Variants in GRID1 observed in about 807,000 individuals in gnomAD.
GRID1 encodes the protein glutamate receptor ionotropic, delta-1.
A neutral mutation model predicts 98.0 loss-of-function variants in GRID1; 28 were observed. The observed-to-expected ratio is 0.29, with a 90% confidence interval of 0.21 to 0.39. The LOEUF is 0.39. GRID1 is among the 10% of genes least tolerant of loss of function. GRID1 has a pLI of 1.00. For missense variants in GRID1, 1,111 were observed against 1,340.5 expected, an observed-to-expected ratio of 0.83 and a Z score of 2.67; for synonymous variants, 553 against 538.5, an observed-to-expected ratio of 1.03 and a Z score of -0.37.
At chr10:86,205,658 C>CA (rs1482884602) in intron 3 of GRID1, among the ~76,000 whole-genome samples, 2 of 151,924 alleles carry the variant, frequency 1.3e-5, no homozygotes, top group Non-Finnish European at 2.9e-5. Context: ...ACATAATTTT[C>CA]AAAAAAATTG....
At chr10:86,271,163 T>C (rs958438705) in intron 2 of GRID1, among the ~76,000 whole-genome samples, 2 of 152,240 alleles carry the variant, frequency 1.3e-5, no homozygotes, top group African/African-American at 4.8e-5. Flanking sequence ...GAATAGTATC[T>C]GGTACTCTCA....
chr10:85,979,778 G>T (rs1364394622), intron 4 of GRID1, among the ~76,000 whole-genome samples: 1 of 152,192 alleles, frequency 6.6e-6, no homozygotes, highest in African/African-American at 2.4e-5. Flanking sequence ...GCTGTCCTTG[G>T]TGGAGGCAGA....
chr10:85,940,288 CTCTG>C (rs1407443859), intron 4 of GRID1, among the ~76,000 whole-genome samples: 2 of 152,164 alleles, frequency 1.3e-5, no homozygotes, highest in Non-Finnish European at 2.9e-5. Flanking sequence ...TATTTACCTT[CTCTG>C]TCTGGCCCAC....
chr10:85,633,566 T>C (rs576490986), intron 13 of GRID1, among the ~76,000 whole-genome samples: 112 of 152,314 alleles, frequency 7.4e-4, no homozygotes, highest in African/African-American at 2.5e-3. Context: ...GCTGTGAGGA[T>C]AGAGAAGCAA....
intron 4 of GRID1, among the ~76,000 whole-genome samples, chr10:86,043,028 C>A (rs114689129): frequency 6.6e-6 from 1 of 151,568 alleles, no homozygotes; most frequent in South Asian, 2.1e-4. Flanking sequence ...AAGGCAGCAG[C>A]GAGCCGAGAT....
intron 5 of GRID1, among the ~76,000 whole-genome samples, chr10:85,911,597 A>C (rs926205253): frequency 2.0e-5 from 3 of 152,198 alleles, no homozygotes; most frequent in Admixed American, 2.0e-4. Context: ...TACCCACATC[A>C]TCTGTTAAGC....
At chr10:85,887,565 C>A (rs1047927222) in intron 5 of GRID1, among the ~76,000 whole-genome samples, 47 of 152,204 alleles carry the variant, frequency 3.1e-4, no homozygotes, top group African/African-American at 9.1e-4. Context: ...TTAACAAGAT[C>A]CCCAGGTGAC....
At chr10:86,268,351 G>C (rs1847136037) in intron 2 of GRID1, among the ~76,000 whole-genome samples, 1 of 152,234 alleles carries the variant, frequency 6.6e-6, no homozygotes. Flanking sequence ...ATCACCAACA[G>C]CATTTGGATA....
intron 8 of GRID1, among the ~76,000 whole-genome samples, chr10:85,793,896 C>G (rs1185813852): frequency 6.6e-6 from 1 of 152,062 alleles, no homozygotes; most frequent in Non-Finnish European, 1.5e-5. Context: ...AACAAAAGCC[C>G]TGCATTAAAT....
At chr10:85,800,398 T>C (rs1266373869) in intron 8 of GRID1, among the ~76,000 whole-genome samples, 1 of 151,970 alleles carries the variant, frequency 6.6e-6, no homozygotes, top group Non-Finnish European at 1.5e-5. Flanking sequence ...GGTTACAAGA[T>C]AGAAACAAAA....
chr10:85,779,863 G>A (rs902718318), intron 8 of GRID1, among the ~76,000 whole-genome samples: 1 of 152,196 alleles, frequency 6.6e-6, no homozygotes, highest in African/African-American at 2.4e-5. Flanking sequence ...TTTCTACGAA[G>A]GCACCATGTG....
intron 12 of GRID1, among the ~76,000 whole-genome samples, chr10:85,688,393 G>A (rs976475676): frequency 3.9e-5 from 6 of 152,122 alleles, no homozygotes; most frequent in Non-Finnish European, 7.4e-5. Context: ...AAAGAGACAC[G>A]GCTGGAGTGC....
chr10:86,051,523 A>C (rs1249573875), intron 4 of GRID1, among the ~76,000 whole-genome samples: 2 of 152,096 alleles, frequency 1.3e-5, no homozygotes, highest in African/African-American at 4.8e-5. Flanking sequence ...AAAGGCAAAA[A>C]AAAAAAATCA....
chr10:86,204,407 C>T (rs1845996377), intron 3 of GRID1, among the ~76,000 whole-genome samples: 1 of 152,192 alleles, frequency 6.6e-6, no homozygotes, highest in Non-Finnish European at 1.5e-5. Context: ...AGGACTAGCC[C>T]TCATGAGAGT....
At position 86,358,609 on chromosome 10, in the gene GRID1, T is replaced by C. The variant is rs942547799; in HGVS notation, c.235+5332A>G. 1.5e-4 allele frequency among the ~76,000 whole-genome samples: 23 copies of C among 151,536 alleles called. 1 individual carries two copies. Among genetic ancestry groups the C allele is most frequent in the Non-Finnish European group, 4.4e-5 (3 of 67,916 alleles). Reference sequence around the variant, plus strand: ...CCGTCTCTACTAAAAATACAAAAAATTAGCCGGGCATGGTGGCGGGCGCCT... The same window carrying C: ...CCGTCTCTACTAAAAATACAAAAAACTAGCCGGGCATGGTGGCGGGCGCCT... On this transcript the variant is annotated intron_variant, in intron 2 of 15. Transcript: ENST00000327946.
chr10:86,061,114 T>C (rs1401258792), intron 4 of GRID1, among the ~76,000 whole-genome samples: 1 of 151,914 alleles, frequency 6.6e-6, no homozygotes, highest in African/African-American at 2.4e-5. Context: ...CTCCTGGGGG[T>C]ACTCTACAGG....
chr10:85,723,414 G>A (rs1590205008), intron 11 of GRID1, among the ~76,000 whole-genome samples: 1 of 152,198 alleles, frequency 6.6e-6, no homozygotes, highest in Admixed American at 6.5e-5. Context: ...ACCAAGGGTT[G>A]GGGTCTGAAT....
intron 6 of GRID1, among the ~76,000 whole-genome samples, chr10:85,865,918 T>TATATATATATATATATATATACACAC (rs1843211834): frequency 3.2e-5 from 3 of 94,530 alleles, no homozygotes; most frequent in Middle Eastern, 5.2e-3. Flanking sequence ...TATACATATA[T>TATATATATATATATATATATACACAC]ATATATATAT....
chr10:85,879,213 G>A (rs1840961127), intron 5 of GRID1, among the ~76,000 whole-genome samples: 2 of 152,108 alleles, frequency 1.3e-5, no homozygotes, highest in South Asian at 2.1e-4. Flanking sequence ...ACAGATCAAC[G>A]AGACAGAAAG....
Sources: gnomAD v4.1 joint callset for allele counts (sites outside exome capture counted in the v4.1 genomes callset) on GRCh38, gnomAD v4.1.1 for gene constraint, MANE v1.5 for transcripts, NCBI Gene and HGNC (gene_info 2026-07-23, HGNC 2026-07-21) for gene names.